ZSCAN5A: variants seen among roughly 807,000 people sequenced by gnomAD.
ZSCAN5A encodes zinc finger and SCAN domain containing 5A.
A neutral mutation model predicts 23.7 loss-of-function variants in ZSCAN5A; 12 were observed. That is an observed-to-expected ratio of 0.51 (90% confidence interval 0.32 to 0.82). ZSCAN5A has a LOEUF of 0.82. Ranked by LOEUF, ZSCAN5A falls within the 40% of genes least tolerant of loss-of-function variation. The probability of loss-of-function intolerance (pLI) is 0.03; values close to 1 mark genes in which losing one functional copy is unlikely to be tolerated. For synonymous variants in ZSCAN5A, 257 were observed against 239.9 expected (o/e 1.07, Z -0.66); for missense variants, 597 against 617.9 (o/e 0.97, Z 0.36).
chr19:56,278,928 A>G (rs1433908816), intron 2 of ZSCAN5A, among the ~76,000 whole-genome samples: 1 of 152,114 alleles, frequency 6.6e-6, no homozygotes, highest in Non-Finnish European at 1.5e-5. Context: ...ATCCAACTGG[A>G]TGGTGCTCAC....
At chr19:56,344,834 C>T (rs1050494305) in intron 2 of ZSCAN5A, among the ~76,000 whole-genome samples, 1 of 132,746 alleles carries the variant, frequency 7.5e-6, no homozygotes, top group Non-Finnish European at 1.5e-5. Flanking sequence ...ACCCGGGAAG[C>T]GGAGCTTGCA....
chr19:56,335,031 G>A (rs1486605023), intron 2 of ZSCAN5A, among the ~76,000 whole-genome samples: 1 of 152,078 alleles, frequency 6.6e-6, no homozygotes. Flanking sequence ...CCCAATGCAA[G>A]GAAGCTAAAA....
At chr19:56,268,300 G>A (rs375394664) in intron 2 of ZSCAN5A, among the ~76,000 whole-genome samples, 1 of 152,126 alleles carries the variant, frequency 6.6e-6, no homozygotes, top group African/African-American at 2.4e-5. Context: ...TTGTGTGGGC[G>A]CTGCCCCTGT....
chr19:56,256,585 A>C (rs1352219435), intron 2 of ZSCAN5A, among the ~76,000 whole-genome samples: 2 of 152,264 alleles, frequency 1.3e-5, no homozygotes, highest in Non-Finnish European at 2.9e-5. Context: ...TATATTGTAT[A>C]TACACATATC....
At chr19:56,281,732 G>T in intron 2 of ZSCAN5A, 2 of 984,634 alleles carry the variant, frequency 2.0e-6, no homozygotes, top group Non-Finnish European at 2.4e-6. Flanking sequence ...ACATAAATGG[G>T]GAGCCCGCCC....
chr19:56,300,754 T>G (rs886082562), intron 2 of ZSCAN5A, among the ~76,000 whole-genome samples: 1 of 152,210 alleles, frequency 6.6e-6, no homozygotes, highest in African/African-American at 2.4e-5. Context: ...ACACTGGTAA[T>G]GTTTTATTTT....
chr19:56,268,745 C>T (rs2037643159), intron 2 of ZSCAN5A, among the ~76,000 whole-genome samples: 1 of 151,968 alleles, frequency 6.6e-6, no homozygotes, highest in African/African-American at 2.4e-5. Flanking sequence ...AAACACTTTC[C>T]TTACCCCTCA....
chr19:56,264,760 T>C (rs2037352362), intron 2 of ZSCAN5A, among the ~76,000 whole-genome samples: 1 of 152,230 alleles, frequency 6.6e-6, no homozygotes, highest in Non-Finnish European at 1.5e-5. Context: ...AAATAGTTAC[T>C]ATCTTGCTCT....
At chr19:56,228,107 A>C in intron 2 of ZSCAN5A, 2 of 383,682 alleles carry the variant, frequency 5.2e-6, no homozygotes, top group Non-Finnish European at 7.1e-6. Flanking sequence ...ATAACGAGTC[A>C]GAGTTAATCA....
intron 2 of ZSCAN5A, among the ~76,000 whole-genome samples, chr19:56,299,276 C>T (rs1488075615): frequency 1.3e-5 from 2 of 151,856 alleles, no homozygotes; most frequent in African/African-American, 4.8e-5. Context: ...GGACCACAGG[C>T]ACGAGACACC....
chr19:56,314,537 C>G lies in ZSCAN5A; in HGVS notation c.-230+144G>C, dbSNP rs987044286. ...TCACGGAAACTCCTCCAGTCCCATC[C>G]CCGGGCTCGGTCCTCCCACGAATCT... On this transcript the variant is annotated intron_variant, in intron 1 of 5. Transcript: ENST00000683990. 2.0e-5 allele frequency: 3 copies of G among 152,428 alleles called. No individual in the cohort carries two copies. The East Asian group carries it at 5.8e-4, about 29-fold the overall frequency. 9.4% of individuals were successfully genotyped at this position (152,428 alleles called of 1,614,324 possible).
At chr19:56,344,920 AAAAAAAAAAAAAAAAG>A (rs1377056880) in intron 2 of ZSCAN5A, among the ~76,000 whole-genome samples, 14 of 147,314 alleles carry the variant, frequency 9.5e-5, no homozygotes, top group South Asian at 2.2e-4. Flanking sequence ...AAAAAAAAAA[AAAAAAAAAAAAAAAAG>A]AAAAAAAAGA....
intron 2 of ZSCAN5A, chr19:56,321,635 G>A: frequency 3.4e-6 from 3 of 879,438 alleles, no homozygotes; most frequent in Non-Finnish European, 2.0e-6. Context: ...GTTCATCCAT[G>A]CATCGTTATG....
chr19:56,325,191 A>G (rs1418620195), intron 2 of ZSCAN5A, among the ~76,000 whole-genome samples: 2 of 152,146 alleles, frequency 1.3e-5, no homozygotes, highest in African/African-American at 4.8e-5. Context: ...CCATTTGCTT[A>G]TTATATAATT....
At chr19:56,234,206 G>A (rs1241020869) in intron 2 of ZSCAN5A, among the ~76,000 whole-genome samples, 2 of 152,176 alleles carry the variant, frequency 1.3e-5, no homozygotes, top group African/African-American at 2.4e-5. Context: ...CCATTTTCAA[G>A]GTCTTCCTGG....
chr19:56,348,347 C>CGCTT (rs141931507), intron 2 of ZSCAN5A, among the ~76,000 whole-genome samples: 4 of 152,166 alleles, frequency 2.6e-5, no homozygotes. Context: ...AGTTGACACA[C>CGCTT]GCTTGCAAGC....
intron 2 of ZSCAN5A, chr19:56,320,921 G>C (rs2041368857): frequency 1.3e-6 from 1 of 757,178 alleles, no homozygotes; most frequent in African/African-American, 1.7e-5. Flanking sequence ...GAAAAGCCCA[G>C]CTGTTCTACT....
intron 2 of ZSCAN5A, among the ~76,000 whole-genome samples, chr19:56,288,772 G>A (rs970455610): frequency 6.6e-6 from 1 of 152,190 alleles, no homozygotes; most frequent in Non-Finnish European, 1.5e-5. Flanking sequence ...ACTGGTCAGG[G>A]ATGCTTAGTC....
chr19:56,329,383 AGTT>A (rs556003585), intron 2 of ZSCAN5A, among the ~76,000 whole-genome samples: 1 of 152,074 alleles, frequency 6.6e-6, no homozygotes, highest in Non-Finnish European at 1.5e-5. Context: ...AACAAACAAA[AGTT>A]GAACTAAATA....
Sources: gnomAD v4.1 joint callset for allele counts (sites outside exome capture counted in the v4.1 genomes callset) on GRCh38, gnomAD v4.1.1 for gene constraint, MANE v1.5 for transcripts, NCBI Gene and HGNC (gene_info 2026-07-23, HGNC 2026-07-21) for gene names.